NOTCH3: variants seen among roughly 807,000 people sequenced by gnomAD.
NOTCH3 encodes the protein neurogenic locus notch homolog protein 3.
Under a neutral mutation model 213.3 loss-of-function variants are expected in NOTCH3, and 86 were observed. The observed-to-expected ratio is 0.40, with a 90% CI of 0.34 to 0.48. The LOEUF (loss-of-function observed/expected upper bound fraction) is 0.48, where lower values mean the gene tolerates loss of function less well. NOTCH3 is among the 20% of genes least tolerant of loss of function. NOTCH3 has a pLI of 0.57. For missense variants in NOTCH3, 2,783 were observed against 3,272.6 expected (o/e 0.85, Z 3.65); for synonymous variants, 1,354 against 1,355.9 (o/e 1.00, Z 0.03).
intron 1 of NOTCH3, among the ~76,000 whole-genome samples, chr19:15,197,908 G>C (rs1420180850): frequency 6.6e-6 from 1 of 152,206 alleles, no homozygotes; most frequent in Non-Finnish European, 1.5e-5. Context: ...TGCTGAGACA[G>C]GAAGTAAGGG....
At chr19:15,170,255 C>G in intron 27 of NOTCH3, 76 bp downstream of exon 27, 1 of 1,524,834 alleles carries the variant, frequency 6.6e-7, no homozygotes, top group Non-Finnish European at 9.1e-7. Context: ...GGTCAGAGGT[C>G]TGAGTCAGGT....
chr19:15,189,427 G>A lies in NOTCH3; in HGVS notation c.1038C>T (p.Gly346=). 1 of 1,613,720 alleles carries A rather than the reference G, an allele frequency of 6.2e-7. No homozygotes were observed. Among genetic ancestry groups the A allele is most frequent in the Non-Finnish European group, 8.5e-7 (1 of 1,180,020 alleles). ...AGGCGTCATCCAGGTGACACAGGAG[G>A]CCTGGGAAGTGGTAAGCAGAAGTCA... ...FYCACPMGKT[G]LLCHLDDACV... The change falls in exon 7 of 33, where the codon GGC becomes GGT. Residue 346 remains glycine, a splice_region_variant and synonymous_variant. Transcript: ENST00000263388.
chr19:15,181,512 G>T, intron 17 of NOTCH3, 64 bp downstream of exon 17: 2 of 1,384,504 alleles, frequency 1.4e-6, no homozygotes, highest in Non-Finnish European at 2.0e-6. Context: ...TCCCCACTTC[G>T]TCCCAGGTCC....
Position 15,166,023 on chromosome 19 carries a change from C to A in NOTCH3, c.5431G>T (p.Asp1811Tyr). The A allele has an allele frequency of 1.9e-6, 3 of 1,614,156 alleles. No homozygotes were observed. Among genetic ancestry groups the A allele is most frequent in the Non-Finnish European group, 2.5e-6 (3 of 1,180,030 alleles). ...GALEPMPTEE[D>Y]EADDTSASII... ...CTAGCTGATGTGTCATCTGCCTCAT[C>A]CTCTTCAGTTGGCATTGGCTCCAGA... Residue 1811 changes from aspartate (D) to tyrosine (Y), a missense_variant, in exon 30 of 33, where the codon GAT becomes TAT. Asp to Tyr is a radical substitution (Grantham distance 160, BLOSUM62 -3). This residue lies in a region of NOTCH3 where 636 missense variants were observed against 801.8 expected (regional missense o/e 0.79). Coordinates refer to ENST00000263388, the MANE Select transcript of NOTCH3 (RefSeq NM_000435.3).
chr19:15,178,676 C>A, intron 23 of NOTCH3, 147 bp downstream of exon 23: 1 of 701,272 alleles, frequency 1.4e-6, no homozygotes, highest in Admixed American at 2.0e-5. Flanking sequence ...TGAGCTACCA[C>A]ACCCGGCGGA....
chr19:15,167,286 T>G lies in NOTCH3; in HGVS notation c.5325A>C (p.Ala1775=). The G allele has an allele frequency of 6.2e-7, 1 of 1,613,446 alleles. No individual in the cohort carries two copies. The highest frequency in any genetic ancestry group is 1.3e-5 in the African/African-American group (1 of 75,064). Residue 1775 remains alanine, a synonymous_variant, in exon 29 of 33, where the codon GCA becomes GCC. Coordinates refer to ENST00000263388, the MANE Select transcript of NOTCH3 (RefSeq NM_000435.3). The part of the protein sequence containing the change: ...AMALTPPQGD[A]DADGMDVNVR... ...CATTGACATCCATGCCATCAGCATC[T>G]GCGTCGCCCTGTGGTGGTGTCAGTG...
In NOTCH3 at chr19:15,160,761, G is replaced by C; in HGVS notation, c.6867C>G (p.Ala2289=). The change falls in exon 33 of 33, where the codon GCC becomes GCG. Residue 2289 remains alanine (A), a synonymous_variant. Coordinates refer to ENST00000263388, the MANE Select transcript of NOTCH3 (RefSeq NM_000435.3). ...AMATTTGALP[A]QPLPLSVPSS... The stretch of plus-strand genomic sequence containing the variant: ...TGGGAACAGACAAGGGAAGTGGCTG[G>C]GCAGGCAGTGCCCCAGTGGTGGTGG... The C allele has an allele frequency of 6.2e-7, 1 of 1,614,152 alleles. No homozygotes were observed. The highest frequency in any genetic ancestry group is 8.5e-7 in the Non-Finnish European group (1 of 1,180,002).
intron 18 of NOTCH3, 31 bp downstream of exon 18, chr19:15,180,930 C>T (rs749846847): frequency 1.5e-5 from 23 of 1,583,888 alleles, no homozygotes; most frequent in East Asian, 1.4e-4. Flanking sequence ...CAGGCAGGCT[C>T]CTCCCCCAGG....
In NOTCH3 at chr19:15,185,549, G is replaced by C. The variant is rs751758366; in HGVS notation, c.2082C>G (p.Pro694=). ...PPGSLPPLCL[P]PSHPCAHEPC... is the part of the protein sequence containing the mutation. The stretch of plus-strand genomic sequence containing the variant: ...GCTCATGGGCACAGGGATGGCTCGG[G>C]GGGAGGCAGAGTGGGGGCAAGGAGC... The change falls in exon 13 of 33, where the codon CCC becomes CCG. Residue 694 remains proline (P), a synonymous_variant. Coordinates refer to ENST00000263388, the MANE Select transcript of NOTCH3 (RefSeq NM_000435.3). This position sits in a 1 kb window ranked among gnomAD's most constrained non-coding sequence, Gnocchi z 4.2. 4.3e-6 allele frequency: 7 copies of C among 1,613,758 alleles called. No homozygotes were observed. Among genetic ancestry groups the C allele is most frequent in the Non-Finnish European group, 5.9e-6 (7 of 1,179,984 alleles).
At position 15,174,092 on chromosome 19, in the gene NOTCH3, C is replaced by T. The variant is rs778647361; in HGVS notation, c.4712G>A (p.Arg1571Gln). The change falls in exon 25 of 33, where the codon CGG (arginine) becomes CAG (glutamine). Residue 1571 changes from arginine to glutamine, a missense_variant. Around this residue, in one of 6 missense-constraint regions of NOTCH3, gnomAD observed 636 missense variants for 801.8 expected, o/e 0.79. Transcript: ENST00000263388. ...PSPGSEPRAR[R>Q]ELAPEVIGSV... Reference sequence around the variant, plus strand: ...CCCGATCACCTCGGGGGCCAGCTCCCGACGGGCCCGGGGTTCGGAGCCAGG... The same window carrying T: ...CCCGATCACCTCGGGGGCCAGCTCCTGACGGGCCCGGGGTTCGGAGCCAGG... 2.5e-6 allele frequency: 4 copies of T among 1,588,380 alleles called. No homozygotes were observed. Among genetic ancestry groups the T allele is most frequent in the East Asian group, 4.5e-5 (2 of 44,332 alleles).
chr19:15,192,353 C>T (rs2145442865), intron 3 of NOTCH3, 24 bp downstream of exon 3: 2 of 1,612,930 alleles, frequency 1.2e-6, no homozygotes, highest in East Asian at 2.2e-5. Context: ...CGACTACCTC[C>T]CCTCCAGACT....
At chr19:15,170,213 G>A (rs777208340) in intron 27 of NOTCH3, 43 bp from the exon 28 acceptor site, 3 of 1,496,596 alleles carry the variant, frequency 2.0e-6, no homozygotes, top group Non-Finnish European at 2.8e-6. Context: ...GGACACTAGA[G>A]GTGTCCAGCT....
chr19:15,181,452 T>A, intron 17 of NOTCH3, 124 bp downstream of exon 17: 1 of 800,398 alleles, frequency 1.2e-6, no homozygotes. Context: ...CCATCAGTCA[T>A]CAGAGTCCGC....
At chr19:15,175,331 T>TG (rs1411778176) in intron 24 of NOTCH3, among the ~76,000 whole-genome samples, 21,973 of 136,326 alleles carry the variant, frequency 0.16, 2,953 homozygotes, top group African/African-American at 0.36. Flanking sequence ...TCAGGAGTTC[T>TG]AGGCCAGCCT....
rs745549106 is a variant in NOTCH3, at chr19:15,189,236, T to G, written c.1192+37A>C. 4 of 1,613,740 alleles carry G rather than the reference T, an allele frequency of 2.5e-6. No homozygotes were observed. In the South Asian group the frequency reaches 4.4e-5, roughly 18 times the overall value. ...GCCGGGACCCCCTCCTCTCCCCTCTTTCCCAGCCCATTCACAGACGATGGA... is the reference window on the plus strand; with the variant it reads ...GCCGGGACCCCCTCCTCTCCCCTCTGTCCCAGCCCATTCACAGACGATGGA... On this transcript the variant is annotated intron_variant, in intron 7 of 32. Transcript: ENST00000263388.
At chr19:15,171,624 A>G (rs764984376) in intron 25 of NOTCH3, among the ~76,000 whole-genome samples, 25 of 151,580 alleles carry the variant, frequency 1.6e-4, no homozygotes, top group Non-Finnish European at 1.5e-5. Context: ...CAGCCTCCCA[A>G]TGTGCTGGGT....
intron 2 of NOTCH3, among the ~76,000 whole-genome samples, chr19:15,195,129 C>T (rs1253987154): frequency 2.0e-5 from 3 of 152,094 alleles, no homozygotes; most frequent in South Asian, 2.1e-4. Context: ...GCATCCCACG[C>T]GGAAATGAGC....
rs1339071381 is a variant in NOTCH3 at position 15,167,107 on chromosome 19, A to AC, written c.5362+141dup. The stretch of plus-strand genomic sequence containing the variant: ...CTGAGTTGGACCTTTGTCACTTCCA[A>AC]CCAAGAGTGTTGCTGAATACACACA... On this transcript the variant is annotated intron_variant, in intron 29 of 32. Transcript: ENST00000263388. 1.1e-5 allele frequency: 10 copies of AC among 887,366 alleles called. No homozygotes were observed. In the African/African-American group the frequency reaches 1.5e-4, roughly 13 times the overall value. 55.0% of individuals were successfully genotyped at this position (887,366 alleles called of 1,614,324 possible). A position where few individuals can be genotyped will look rare whatever the true frequency, so the allele number is the denominator to read the frequency against.
intron 1 of NOTCH3, among the ~76,000 whole-genome samples, chr19:15,198,977 G>C (rs1048028578): frequency 1.3e-5 from 2 of 152,036 alleles, no homozygotes; most frequent in Admixed American, 6.6e-5. Context: ...AGAATCTGTC[G>C]AGCTGAACCT....
Sources: gnomAD v4.1 joint callset for allele counts (sites outside exome capture counted in the v4.1 genomes callset) on GRCh38, gnomAD v4.1.1 for gene constraint, gnomAD v4.1.1 regional missense constraint, Gnocchi (gnomAD v3.1) non-coding constraint, MANE v1.5 for transcripts, NCBI Gene and HGNC (gene_info 2026-07-23, HGNC 2026-07-21) for gene names.